The following ADAMTSL1 variants were observed in gnomAD, a reference collection of about 807,000 sequenced individuals.
The protein encoded by ADAMTSL1 is ADAMTS-like protein 1.
Under a neutral mutation model 201.8 loss-of-function variants are expected in ADAMTSL1, and 126 were observed. The observed-to-expected ratio is 0.62, with a 90% CI of 0.54 to 0.72. ADAMTSL1 has a LOEUF of 0.72. Among genes scored for constraint, ADAMTSL1 ranks in the 30% least tolerant of loss-of-function variants. The probability of loss-of-function intolerance (pLI) is 0.00; values close to 1 mark genes in which losing one functional copy is unlikely to be tolerated. For synonymous variants in ADAMTSL1, 1,121 were observed against 903.4 expected, an observed-to-expected ratio of 1.24 and a Z score of -4.32; for missense variants, 2,679 against 2,277.8, an observed-to-expected ratio of 1.18 and a Z score of -3.59.
At chr9:18,851,508 G>C (rs533384383) in intron 23 of ADAMTSL1, among the ~76,000 whole-genome samples, 146 of 152,230 alleles carry the variant, frequency 9.6e-4, no homozygotes, top group African/African-American at 3.4e-3. Flanking sequence ...AAATTTTAGA[G>C]CAGAAGTGAA....
chr9:18,185,909 A>T (rs1211700979), intron 2 of ADAMTSL1, among the ~76,000 whole-genome samples: 1 of 152,186 alleles, frequency 6.6e-6, no homozygotes, highest in Non-Finnish European at 1.5e-5. Flanking sequence ...TTGACCATGG[A>T]ACATGGAATA....
intron 2 of ADAMTSL1, among the ~76,000 whole-genome samples, chr9:18,192,220 G>A (rs1828999177): frequency 1.3e-5 from 2 of 152,002 alleles, no homozygotes; most frequent in Non-Finnish European, 2.9e-5. Flanking sequence ...ATCAATAATG[G>A]TGTTTCTATG....
Position 18,736,117 on chromosome 9 carries a change from CTATT to C in ADAMTSL1, c.2006+14456_2006+14459del, listed in dbSNP as rs202030091. 7.7e-3 allele frequency among the ~76,000 whole-genome samples: 1,165 copies of C among 152,248 alleles called. 18 individuals carry two copies. Among genetic ancestry groups the C allele is most frequent in the African/African-American group, 0.026 (1,092 of 41,538 alleles). ...TTGATGTAAAGCCACCAAAACTAGA[CTATT>C]TATCAATGTTGCTTTCATGAGAAAA... On this transcript the variant is annotated intron_variant, in intron 15 of 28. Coordinates refer to ENST00000380548, the MANE Select transcript of ADAMTSL1 (RefSeq NM_001040272.6).
intron 2 of ADAMTSL1, among the ~76,000 whole-genome samples, chr9:18,384,076 A>G (rs553295665): frequency 1.4e-4 from 21 of 152,304 alleles, no homozygotes; most frequent in Admixed American, 1.2e-3. Flanking sequence ...CTATAAAGAC[A>G]TACTTGAGAC....
intron 1 of ADAMTSL1, among the ~76,000 whole-genome samples, chr9:18,009,472 C>T (rs1391677287): frequency 2.0e-5 from 3 of 152,034 alleles, no homozygotes; most frequent in African/African-American, 7.2e-5. Flanking sequence ...TTGCATAGTG[C>T]CTGGTGCAGG....
chr9:18,317,423 C>CACACAT (rs1834449846), intron 2 of ADAMTSL1, among the ~76,000 whole-genome samples: 1 of 148,740 alleles, frequency 6.7e-6, no homozygotes, highest in African/African-American at 2.5e-5. Flanking sequence ...CACACACACA[C>CACACAT]GTACATGAGC....
intron 1 of ADAMTSL1, among the ~76,000 whole-genome samples, chr9:18,053,215 TG>T (rs1297044453): frequency 6.6e-6 from 1 of 152,134 alleles, no homozygotes; most frequent in Non-Finnish European, 1.5e-5. Context: ...CAGTGACACT[TG>T]GGGTTAGCAC....
At chr9:18,141,571 C>T (rs866686167) in intron 1 of ADAMTSL1, among the ~76,000 whole-genome samples, 2 of 152,188 alleles carry the variant, frequency 1.3e-5, no homozygotes, top group South Asian at 2.1e-4. Context: ...AGCACCCTAC[C>T]TGCACAGCCT....
intron 2 of ADAMTSL1, among the ~76,000 whole-genome samples, chr9:18,426,599 G>A (rs956314570): frequency 2.0e-5 from 3 of 152,060 alleles, no homozygotes; most frequent in African/African-American, 7.2e-5. Context: ...TGCTTGTGAG[G>A]TAATGACATC....
chr9:18,249,570 G>GA (rs1352076567), intron 2 of ADAMTSL1, among the ~76,000 whole-genome samples: 1 of 151,788 alleles, frequency 6.6e-6, no homozygotes. Flanking sequence ...AAGACATCCA[G>GA]AAAAAAAATT....
intron 1 of ADAMTSL1, among the ~76,000 whole-genome samples, chr9:18,018,918 G>A (rs1820368984): frequency 6.6e-6 from 1 of 152,112 alleles, no homozygotes; most frequent in South Asian, 2.1e-4. Flanking sequence ...AAATGTGGGA[G>A]TGGCTTTGGA....
At chr9:18,130,218 C>T (rs1381500077) in intron 1 of ADAMTSL1, among the ~76,000 whole-genome samples, 1 of 152,122 alleles carries the variant, frequency 6.6e-6, no homozygotes, top group Non-Finnish European at 1.5e-5. Flanking sequence ...GGCATTTTCA[C>T]CTCGCATTAG....
At chr9:18,816,880 A>G (rs1261022812) in intron 20 of ADAMTSL1, among the ~76,000 whole-genome samples, 1 of 152,078 alleles carries the variant, frequency 6.6e-6, no homozygotes, top group Non-Finnish European at 1.5e-5. Flanking sequence ...GGCAATTAGC[A>G]TATCCATCAT....
intron 2 of ADAMTSL1, among the ~76,000 whole-genome samples, chr9:18,193,796 T>C (rs1197793015): frequency 1.3e-5 from 2 of 151,954 alleles, no homozygotes; most frequent in East Asian, 3.9e-4. Context: ...CTAGGGTTTT[T>C]TGGGGCAAAG....
chr9:18,293,088 C>T (rs1004749036), intron 2 of ADAMTSL1, among the ~76,000 whole-genome samples: 10 of 152,192 alleles, frequency 6.6e-5, no homozygotes, highest in African/African-American at 2.2e-4. Flanking sequence ...AAGTGCCAGA[C>T]ATGATCTTAT....
At chr9:18,212,663 C>G (rs1176496484) in intron 2 of ADAMTSL1, among the ~76,000 whole-genome samples, 1 of 152,238 alleles carries the variant, frequency 6.6e-6, no homozygotes, top group East Asian at 1.9e-4. Context: ...AAAATGTATA[C>G]ATTTCAAAAG....
chr9:18,681,701 G>A (rs151259731), intron 11 of ADAMTSL1, 111 bp from the exon 12 acceptor site: 3 of 470,126 alleles, frequency 6.4e-6, no homozygotes, highest in Non-Finnish European at 6.2e-6. Flanking sequence ...CTCGTGTGGG[G>A]GGGGGGGGCG....
rs561472500 is a variant in ADAMTSL1, at chr9:18,800,361, GA to G, written c.3805+4838del. On this transcript the variant is annotated intron_variant, in intron 20 of 28. Coordinates refer to ENST00000380548, the MANE Select transcript of ADAMTSL1 (RefSeq NM_001040272.6). ...CACTGTACTCCAGCCTGGGCAACAA[GA>G]GGAAAACTCCATCTCAAAAAAAAAA... Among the ~76,000 whole-genome samples the G allele has an allele frequency of 2.0e-4, 18 of 91,442 alleles. No homozygotes were observed. The East Asian group carries it at 7.8e-3, about 40-fold the overall frequency. 60.0% of individuals were successfully genotyped at this position (91,442 alleles called of 152,430 possible). A position where few individuals can be genotyped will look rare whatever the true frequency, so the allele number is the denominator to read the frequency against.
intron 1 of ADAMTSL1, among the ~76,000 whole-genome samples, chr9:18,142,886 T>C (rs1826461039): frequency 6.6e-6 from 1 of 152,230 alleles, no homozygotes; most frequent in Admixed American, 6.5e-5. Context: ...TACCCTAAAC[T>C]TTCTGAGAAT....
Sources: gnomAD v4.1 joint callset for allele counts (sites outside exome capture counted in the v4.1 genomes callset) on GRCh38, gnomAD v4.1.1 for gene constraint, MANE v1.5 for transcripts, NCBI Gene and HGNC (gene_info 2026-07-23, HGNC 2026-07-21) for gene names.